Variants in RIF1 observed in about 807,000 individuals in gnomAD.
RIF1 encodes replication timing regulatory factor 1.
Under a neutral mutation model 247.1 loss-of-function variants are expected in RIF1, and 45 were observed. The ratio of observed to expected loss-of-function variants is 0.18; its 90% CI spans 0.14 to 0.23. RIF1 has a LOEUF of 0.23. Ranked by LOEUF, RIF1 falls within the 10% of genes least tolerant of loss-of-function variation. The probability of loss-of-function intolerance (pLI) is 1.00; values close to 1 mark genes in which losing one functional copy is unlikely to be tolerated. For synonymous variants in RIF1, 1,087 were observed against 978.8 expected (o/e 1.11, Z -2.06); for missense variants, 2,967 against 2,862.5 (o/e 1.04, Z -0.83).
At chr2:151,493,798 GT>G in intron 9 of RIF1, 1 of 1,583,248 alleles carries the variant, frequency 6.3e-7, no homozygotes, top group South Asian at 1.2e-5. Flanking sequence ...TCTTGATTGC[GT>G]TTCACTCTTT....
At chr2:151,530,361 T>G in the RIF1 span, among the ~76,000 whole-genome samples, 4 of 152,192 alleles carry the variant, frequency 2.6e-5, no homozygotes, top group Non-Finnish European at 4.4e-5. Flanking sequence ...CACCCACTTT[T>G]GCTCTTCTTA....
intron 6 of RIF1, among the ~76,000 whole-genome samples, chr2:151,418,697 A>T (rs190902879): frequency 2.0e-4 from 31 of 152,214 alleles, no homozygotes; most frequent in African/African-American, 7.0e-4. Context: ...CAACATGGTG[A>T]AACCCCATCT....
In RIF1 at chr2:151,482,023, G is replaced by C. The variant is rs1307956376; in HGVS notation, c.*6952G>C. 1 of 85,986 alleles carries C rather than the reference G, an allele frequency of 1.2e-5. No homozygotes were observed. The highest frequency in any genetic ancestry group is 2.7e-5 in the Non-Finnish European group (1 of 37,726). The allele number at this position is 85,986 out of a possible 1,614,324, so 5.3% of individuals were successfully genotyped here. A position where few individuals can be genotyped will look rare whatever the true frequency, so the allele number is the denominator to read the frequency against. On this transcript the variant is annotated 3_prime_UTR_variant, in exon 36 of 36. Transcript: ENST00000444746. The stretch of plus-strand genomic sequence containing the variant: ...CTATTTCTGGTTCTTTATGACTGTT[G>C]AGGGGGGGCAGAATTCTATGTTTGA...
chr2:151,443,781 A>G, intron 18 of RIF1, 72 bp downstream of exon 18: 2 of 910,258 alleles, frequency 2.2e-6, no homozygotes, highest in Non-Finnish European at 3.1e-6. Context: ...GGGGAAATGA[A>G]TAGAAGTTTG....
At chr2:151,526,067 T>C in the RIF1 span, 1 of 1,613,752 alleles carries the variant, frequency 6.2e-7, no homozygotes, top group Non-Finnish European at 8.5e-7. Context: ...CTTGTACTTG[T>C]TCTGGGGGAA....
chr2:151,519,155 CAA>C, the RIF1 span: 4 of 858,862 alleles, frequency 4.7e-6, no homozygotes, highest in Non-Finnish European at 7.8e-6. Flanking sequence ...AGCCCATCGT[CAA>C]ACAAATGCTG....
chr2:151,479,410 T>G lies in RIF1; in HGVS notation c.*4339T>G, dbSNP rs1436744177. On this transcript the variant is annotated 3_prime_UTR_variant, in exon 36 of 36. Coordinates refer to ENST00000444746, the MANE Select transcript of RIF1 (RefSeq NM_018151.5). ...TTCTCATGAGTATTTGTGGGTTATG[T>G]TTTTGTTAATATAAAAGTTGATTTC... 1 of 152,196 alleles carries G rather than the reference T, an allele frequency of 6.6e-6. No homozygotes were observed. The highest frequency in any genetic ancestry group is 1.5e-5 in the Non-Finnish European group (1 of 68,026). The allele number at this position is 152,196 out of a possible 1,614,324, so 9.4% of individuals were successfully genotyped here. A position where few individuals can be genotyped will look rare whatever the true frequency, so the allele number is the denominator to read the frequency against.
At chr2:151,474,182 T>G in intron 35 of RIF1, 110 bp downstream of exon 35, 1 of 671,196 alleles carries the variant, frequency 1.5e-6, no homozygotes, top group South Asian at 1.8e-5. Flanking sequence ...AACAATTATT[T>G]TATGTTTAAT....
chr2:151,459,006 G>C, intron 25 of RIF1, 96 bp downstream of exon 25: 1 of 686,362 alleles, frequency 1.5e-6, no homozygotes, highest in South Asian at 2.1e-5. Context: ...AAAGAGTTTT[G>C]TAACATAGGC....
chr2:151,509,127 T>C (rs1415882286), downstream of RIF1, among the ~76,000 whole-genome samples: 1 of 152,194 alleles, frequency 6.6e-6, no homozygotes, highest in African/African-American at 2.4e-5. Context: ...ATTACATTTA[T>C]AAGTATTGAA....
chr2:151,492,167 G>A lies in RIF1; in HGVS notation c.*416-3062G>A, dbSNP rs767709270. On this transcript the variant is annotated intron_variant and NMD_transcript_variant, in intron 9 of 13. Transcript: ENST00000454583. ...TCTACCACTTTCCTCTGAATACCTC[G>A]GTAGTTAATGTCACTGAAGTCCTGC... The A allele has an allele frequency of 1.9e-6, 3 of 1,613,730 alleles. No individual in the cohort carries two copies. The highest frequency in any genetic ancestry group is 1.7e-5 in the Admixed American group (1 of 60,004).
In RIF1 at chr2:151,468,544, A is replaced by C; in HGVS notation, c.6818A>C (p.Lys2273Thr). ...SRSPKFKSSK[K>T]CLISEMAKES... ...AGCCCTAAATTTAAGAGCTCAAAGA[A>C]GTGTTTAGTAAGAAGTGCTTTAGTT... is the stretch of plus-strand genomic sequence containing the variant. Residue 2273 changes from lysine (K) to threonine (T), a missense_variant, in exon 32 of 36, where the codon AAG becomes ACG. Lys to Thr is a moderately conservative substitution (Grantham distance 78, BLOSUM62 -1). Transcript: ENST00000444746. 2 of 1,612,750 alleles carry C rather than the reference A, an allele frequency of 1.2e-6. No homozygotes were observed. The highest frequency in any genetic ancestry group is 1.1e-5 in the South Asian group (1 of 91,046).
Position 151,503,335 on chromosome 2 carries a change from A to C in RIF1, c.*861+150A>C, listed in dbSNP as rs754114947. The C allele has an allele frequency of 3.2e-6, 5 of 1,555,824 alleles. No individual in the cohort carries two copies. In the South Asian group the frequency reaches 5.6e-5, roughly 18 times the overall value. On this transcript the variant is annotated intron_variant and NMD_transcript_variant, in intron 12 of 13. Transcript: ENST00000454583. ...TATGGGAAATAGTTTCTTATATGAT[A>C]TATTTGTAAATACCGAGCTAAAGTT...
chr2:151,459,706 A>G (rs776580212), intron 25 of RIF1, among the ~76,000 whole-genome samples: 2 of 152,226 alleles, frequency 1.3e-5, no homozygotes, highest in Non-Finnish European at 2.9e-5. Flanking sequence ...AGTTACAGGT[A>G]GAGTGTTTGA....
At chr2:151,470,454 T>G (rs1479750234) in intron 34 of RIF1, among the ~76,000 whole-genome samples, 1 of 152,168 alleles carries the variant, frequency 6.6e-6, no homozygotes, top group African/African-American at 2.4e-5. Context: ...TTTATTTCGA[T>G]TTTGAGATAT....
chr2:151,450,066 C>A (rs13022617), intron 20 of RIF1, among the ~76,000 whole-genome samples: 1 of 152,146 alleles, frequency 6.6e-6, no homozygotes, highest in African/African-American at 2.4e-5. Context: ...GTCTTGAACT[C>A]CTGACCTCAG....
chr2:151,502,775 TGGCCCCCTAAGA>T, intron 11 of RIF1: 1 of 1,404,420 alleles, frequency 7.1e-7, no homozygotes, highest in Non-Finnish European at 1.0e-6. Context: ...TTTTTTTTTT[TGGCCCCCTAAGA>T]AATACCGAGC....
chr2:151,452,976 A>G (rs1694584495), intron 21 of RIF1, among the ~76,000 whole-genome samples: 1 of 152,166 alleles, frequency 6.6e-6, no homozygotes, highest in Non-Finnish European at 1.5e-5. Context: ...AGAAGTTGAG[A>G]AGAGGAAACA....
Position 151,463,358 on chromosome 2 carries a change from A to T in RIF1, c.3838A>T (p.Ile1280Leu). 6.2e-7 allele frequency: 1 copy of T among 1,613,998 alleles called. No homozygotes were observed. The highest frequency in any genetic ancestry group is 2.2e-5 in the East Asian group (1 of 44,874). ...TTTTTCAAAATCTGATTCTGAAAAAATAGTGAATGGAACTAAGAGATCAAG... is the reference window on the plus strand; with the variant it reads ...TTTTTCAAAATCTGATTCTGAAAAATTAGTGAATGGAACTAAGAGATCAAG... The part of the protein sequence containing the change: ...GTFSKSDSEK[I>L]VNGTKRSSRR... Residue 1280 changes from isoleucine (I) to leucine (L), a missense_variant, in exon 30 of 36, where the codon ATA becomes TTA. Physicochemically the swap from Ile to Leu is conservative, Grantham distance 5 (BLOSUM62 2). Transcript: ENST00000444746.
Sources: gnomAD v4.1 joint callset for allele counts (sites outside exome capture counted in the v4.1 genomes callset) on GRCh38, gnomAD v4.1.1 for gene constraint, MANE v1.5 for transcripts, NCBI Gene and HGNC (gene_info 2026-07-23, HGNC 2026-07-21) for gene names.